The following DISC1 variants were observed in gnomAD, a reference collection of about 807,000 sequenced individuals.
DISC1 encodes the protein disrupted in schizophrenia 1 protein.
DISC1 carries 57 observed loss-of-function variants against 84.5 expected under a neutral mutation model. The observed-to-expected ratio is 0.67, with a 90% CI of 0.55 to 0.84. DISC1 has a LOEUF of 0.84. Among genes scored for constraint, DISC1 ranks in the 40% least tolerant of loss-of-function variants. The pLI is 0.00. For synonymous variants in DISC1, 411 were observed against 415.2 expected (o/e 0.99, Z 0.12); for missense variants, 1,000 against 1,057.8 (o/e 0.95, Z 0.76).
chr1:231,692,188 T>C (rs932224839), intron 1 of DISC1, among the ~76,000 whole-genome samples: 4 of 152,164 alleles, frequency 2.6e-5, no homozygotes. Flanking sequence ...ATAGTACCGA[T>C]CTCCTAGGGT....
chr1:231,816,205 G>C (rs1394364366), intron 8 of DISC1, among the ~76,000 whole-genome samples: 1 of 152,136 alleles, frequency 6.6e-6, no homozygotes, highest in Non-Finnish European at 1.5e-5. Flanking sequence ...GATTAATGAT[G>C]TCAAATGTTT....
chr1:231,679,685 C>A (rs971994800), intron 1 of DISC1, among the ~76,000 whole-genome samples: 2 of 152,178 alleles, frequency 1.3e-5, no homozygotes, highest in African/African-American at 4.8e-5. Flanking sequence ...GACGAGAATT[C>A]TTTGTAATTA....
At chr1:231,661,437 T>C (rs1558269859) in intron 1 of DISC1, among the ~76,000 whole-genome samples, 1 of 152,200 alleles carries the variant, frequency 6.6e-6, no homozygotes, top group Non-Finnish European at 1.5e-5. Flanking sequence ...GTTTTGTTCA[T>C]TCCTTTTCAT....
At chr1:231,759,546 A>C (rs919611038) in intron 4 of DISC1, among the ~76,000 whole-genome samples, 1 of 143,090 alleles carries the variant, frequency 7.0e-6, no homozygotes, top group African/African-American at 2.8e-5. Context: ...AAAAAAAAAA[A>C]AAAAACAAAA....
chr1:231,888,662 C>T (rs531125756), intron 9 of DISC1, among the ~76,000 whole-genome samples: 6 of 147,984 alleles, frequency 4.1e-5, no homozygotes, highest in East Asian at 2.0e-4. Flanking sequence ...GGCATGAAGC[C>T]GGGAGGTGGA....
At position 231,808,204 on chromosome 1, in the gene DISC1, A is replaced by C. The variant is rs140595602; in HGVS notation, c.1792+7994A>C. Among the ~76,000 whole-genome samples the C allele has an allele frequency of 5.9e-5, 9 of 152,324 alleles. No homozygotes were observed. In the East Asian group the frequency reaches 1.5e-3, roughly 26 times the overall value. ...CAGAATCTCTAGGGATTTTTCCTGA[A>C]TATAGGAACCTTCATAAACAGTTTC... is the stretch of plus-strand genomic sequence containing the variant. On this transcript the variant is annotated intron_variant, in intron 8 of 12. Coordinates refer to ENST00000439617, the MANE Select transcript of DISC1 (RefSeq NM_018662.3).
At chr1:231,935,049 A>G (rs550340190) in intron 9 of DISC1, among the ~76,000 whole-genome samples, 1 of 152,228 alleles carries the variant, frequency 6.6e-6, no homozygotes, top group Non-Finnish European at 1.5e-5. Context: ...CTCTTGCCAA[A>G]TGGGACAACG....
At chr1:231,693,702 G>A in intron 1 of DISC1, 124 bp from the exon 2 acceptor site, 1 of 1,453,892 alleles carries the variant, frequency 6.9e-7, no homozygotes, top group Non-Finnish European at 9.5e-7. Context: ...CACTGAGCCA[G>A]CATCTATCTT....
At chr1:231,934,657 A>G (rs2090873969) in intron 9 of DISC1, among the ~76,000 whole-genome samples, 1 of 152,244 alleles carries the variant, frequency 6.6e-6, no homozygotes, top group Non-Finnish European at 1.5e-5. Context: ...AAACAGCTAA[A>G]TCAATGATTG....
intron 12 of DISC1, among the ~76,000 whole-genome samples, chr1:232,028,533 T>C (rs1669694470): frequency 6.6e-6 from 1 of 152,178 alleles, no homozygotes; most frequent in Non-Finnish European, 1.5e-5. Context: ...CCAGATTTAA[T>C]AGCAGCGGGA....
chr1:231,709,631 A>G (rs1164077730), intron 3 of DISC1, among the ~76,000 whole-genome samples: 2 of 152,108 alleles, frequency 1.3e-5, no homozygotes, highest in East Asian at 3.9e-4. Context: ...TGACAGCTTC[A>G]AGGTTAGGTG....
Position 231,718,539 on chromosome 1 carries a change from C to T in DISC1, c.1117+16515C>T, listed in dbSNP as rs988549089. ...ACAAACTCCGTCTCCCGGGTTCAAG[C>T]GATTATCCTGCCTCAGCCTCCCGAG... On this transcript the variant is annotated intron_variant, in intron 3 of 12. Coordinates refer to ENST00000439617, the MANE Select transcript of DISC1 (RefSeq NM_018662.3). 4.6e-5 allele frequency among the ~76,000 whole-genome samples: 7 copies of T among 151,606 alleles called. No individual in the cohort carries two copies. The East Asian group carries it at 5.8e-4, about 13-fold the overall frequency.
At chr1:231,849,909 C>T (rs868024107) in intron 9 of DISC1, among the ~76,000 whole-genome samples, 4 of 152,164 alleles carry the variant, frequency 2.6e-5, no homozygotes, top group Admixed American at 1.3e-4. Context: ...CTAGTGTCTT[C>T]GATCCTTATT....
chr1:231,676,061 C>G (rs575544160), intron 1 of DISC1, among the ~76,000 whole-genome samples: 3 of 152,252 alleles, frequency 2.0e-5, no homozygotes, highest in Non-Finnish European at 4.4e-5. Flanking sequence ...GTTGGTCAGG[C>G]CGGTCTCAAA....
chr1:231,692,666 G>A (rs905062160), intron 1 of DISC1, among the ~76,000 whole-genome samples: 3 of 152,222 alleles, frequency 2.0e-5, no homozygotes, highest in Admixed American at 2.0e-4. Flanking sequence ...GCCTAGTGCT[G>A]CCTAGTTTTA....
intron 9 of DISC1, among the ~76,000 whole-genome samples, chr1:231,958,513 G>A (rs821592): frequency 0.32 from 48,579 of 152,084 alleles, 8,443 homozygotes; most frequent in African/African-American, 0.45. Context: ...AGTTGGGAAA[G>A]GTAAGAGATA....
At chr1:231,749,200 C>T (rs957046713) in intron 3 of DISC1, among the ~76,000 whole-genome samples, 1 of 152,202 alleles carries the variant, frequency 6.6e-6, no homozygotes, top group Non-Finnish European at 1.5e-5. Context: ...TCAAATCTTA[C>T]TGTTTATTCA....
At chr1:231,745,292 G>T (rs897855107) in intron 3 of DISC1, 10 of 152,578 alleles carry the variant, frequency 6.6e-5, no homozygotes, top group African/African-American at 2.4e-4. Flanking sequence ...CAAGATCTCG[G>T]CTCACTGCAT....
At chr1:231,808,003 G>T (rs201687020) in intron 8 of DISC1, among the ~76,000 whole-genome samples, 1 of 151,928 alleles carries the variant, frequency 6.6e-6, no homozygotes, top group Non-Finnish European at 1.5e-5. Flanking sequence ...TTTTTTCTTT[G>T]CATTCCCAAT....
Sources: allele counts gnomAD v4.1 joint callset (sites outside exome capture counted in the v4.1 genomes callset), GRCh38; gene constraint gnomAD v4.1.1; transcripts MANE v1.5; gene names NCBI Gene and HGNC (gene_info 2026-07-23, HGNC 2026-07-21).